LUZP2: variants seen among roughly 807,000 people sequenced by gnomAD.
LUZP2 encodes the protein leucine zipper protein 2.
A neutral mutation model predicts 51.6 loss-of-function variants in LUZP2; 52 were observed. The observed-to-expected ratio is 1.01, with a 90% CI of 0.81 to 1.27. The LOEUF (loss-of-function observed/expected upper bound fraction) is 1.27. Ranked by LOEUF, LUZP2 falls within the 50% of genes most tolerant of loss-of-function variation. The pLI is 0.00. For synonymous variants in LUZP2, 154 were observed against 137.3 expected (o/e 1.12, Z -0.85); for missense variants, 436 against 395.4 (o/e 1.10, Z -0.87).
chr11:24,912,802 T>TC (rs1853677764), intron 6 of LUZP2, among the ~76,000 whole-genome samples: 1 of 152,040 alleles, frequency 6.6e-6, no homozygotes, highest in African/African-American at 2.4e-5. Flanking sequence ...AGAGCAAGAC[T>TC]CCATCTCAAG....
At chr11:24,837,174 T>A (rs1850886106) in intron 5 of LUZP2, among the ~76,000 whole-genome samples, 1 of 151,804 alleles carries the variant, frequency 6.6e-6, no homozygotes, top group Admixed American at 6.6e-5. Flanking sequence ...GGTAATTATG[T>A]GCCATATTCA....
intron 6 of LUZP2, among the ~76,000 whole-genome samples, chr11:24,913,129 CAT>C (rs1206714667): frequency 5.3e-5 from 8 of 152,124 alleles, no homozygotes; most frequent in Non-Finnish European, 8.8e-5. Context: ...AGATTCAAAA[CAT>C]AGAATTTTTT....
intron 7 of LUZP2, among the ~76,000 whole-genome samples, chr11:24,961,843 T>C (rs11500141): frequency 0.99 from 140,497 of 142,020 alleles, 69,510 homozygotes; most frequent in African/African-American, 0.99. Flanking sequence ...TTCCTAGTCT[T>C]GATGGTCTTT....
rs570431968 is a variant in LUZP2 at position 24,914,575 on chromosome 11, A to G, written c.522+37A>G. 11 of 1,331,906 alleles carry G rather than the reference A, an allele frequency of 8.3e-6. No homozygotes were observed. In the South Asian group the frequency reaches 1.2e-4, roughly 14 times the overall value. The allele number at this position is 1,331,906 out of a possible 1,614,324, so 82.5% of individuals were successfully genotyped here. ...TTCTCTCTTTTCCCTGAAACTTGCTAGCTCAATACCTAAAATATCAAAAAC... is the reference window on the plus strand; with the variant it reads ...TTCTCTCTTTTCCCTGAAACTTGCTGGCTCAATACCTAAAATATCAAAAAC... On this transcript the variant is annotated intron_variant, in intron 7 of 11. Coordinates refer to ENST00000336930, the MANE Select transcript of LUZP2 (RefSeq NM_001009909.4).
intron 5 of LUZP2, among the ~76,000 whole-genome samples, chr11:24,776,994 G>GT (rs34070504): frequency 0.6 from 81,487 of 136,732 alleles, 24,590 homozygotes; most frequent in Non-Finnish European, 0.68. Context: ...ACTGTAAGTA[G>GT]TTTTTTTTTT....
intron 5 of LUZP2, among the ~76,000 whole-genome samples, chr11:24,814,313 A>T (rs1850108828): frequency 7.8e-6 from 1 of 128,900 alleles, no homozygotes; most frequent in Non-Finnish European, 1.7e-5. Flanking sequence ...CTAGAACATA[A>T]GAAGTACTTC....
chr11:24,906,688 T>C (rs1341867839), intron 6 of LUZP2, among the ~76,000 whole-genome samples: 1 of 152,222 alleles, frequency 6.6e-6, no homozygotes, highest in African/African-American at 2.4e-5. Flanking sequence ...ACTGTCATGA[T>C]AAGTGATTGT....
chr11:24,817,218 A>G (rs1850214690), intron 5 of LUZP2, among the ~76,000 whole-genome samples: 1 of 112,486 alleles, frequency 8.9e-6, no homozygotes, highest in Non-Finnish European at 1.9e-5. Context: ...GCTATCATTA[A>G]TAACAACAAG....
intron 9 of LUZP2, among the ~76,000 whole-genome samples, chr11:24,991,396 GTATA>G (rs58483878): frequency 0.072 from 8,978 of 124,780 alleles, 743 homozygotes; most frequent in African/African-American, 0.2. Context: ...GTGTGTGTGT[GTATA>G]TATATATATA....
At chr11:24,862,054 A>G (rs942501232) in intron 5 of LUZP2, among the ~76,000 whole-genome samples, 5 of 152,132 alleles carry the variant, frequency 3.3e-5, no homozygotes, top group African/African-American at 9.7e-5. Flanking sequence ...TCTTTTCCCT[A>G]TAGTTTATCC....
intron 4 of LUZP2, 91 bp downstream of exon 4, chr11:24,738,393 T>A: frequency 1.2e-6 from 1 of 808,958 alleles, no homozygotes; most frequent in Non-Finnish European, 2.0e-6. Context: ...AACACACCTA[T>A]AAAAAATAAA....
chr11:24,811,785 C>T (rs971386726), intron 5 of LUZP2, among the ~76,000 whole-genome samples: 14 of 151,974 alleles, frequency 9.2e-5, no homozygotes, highest in African/African-American at 2.7e-4. Context: ...TAAGGTATCA[C>T]GTCCTTCCTA....
chr11:24,928,301 C>G (rs1854339949), intron 7 of LUZP2, among the ~76,000 whole-genome samples: 1 of 152,174 alleles, frequency 6.6e-6, no homozygotes, highest in East Asian at 1.9e-4. Context: ...AGTAGACACC[C>G]TCGTTTTGTT....
chr11:24,898,257 A>AG (rs1853148887), intron 5 of LUZP2, among the ~76,000 whole-genome samples: 1 of 151,938 alleles, frequency 6.6e-6, no homozygotes, highest in South Asian at 2.1e-4. Flanking sequence ...AAAAAAAAAA[A>AG]TCAGGTAAGT....
chr11:25,049,250 T>A (rs1474390262), intron 9 of LUZP2, among the ~76,000 whole-genome samples: 1 of 152,140 alleles, frequency 6.6e-6, no homozygotes, highest in Non-Finnish European at 1.5e-5. Flanking sequence ...CAAATTAGCA[T>A]TTACTAGTTT....
rs576381240 is a variant in LUZP2 at position 25,062,778 on chromosome 11, A to C, written c.858+12648A>C. On this transcript the variant is annotated intron_variant, in intron 10 of 11. Transcript: ENST00000336930. ...TCTTGCTTTGTATTAGTGCAATATT[A>C]TCTATATAATTTCATATTATATGCT... Among the ~76,000 whole-genome samples the C allele has an allele frequency of 9.9e-5, 15 of 151,332 alleles. No individual in the cohort carries two copies. In the East Asian group the frequency reaches 2.9e-3, roughly 29 times the overall value.
chr11:24,897,349 T>C (rs183990719), intron 5 of LUZP2, among the ~76,000 whole-genome samples: 2 of 152,318 alleles, frequency 1.3e-5, no homozygotes, highest in East Asian at 1.9e-4. Flanking sequence ...GTTGTTTTGC[T>C]CTTTGCAATA....
intron 9 of LUZP2, among the ~76,000 whole-genome samples, chr11:25,038,322 T>C (rs532740237): frequency 6.6e-6 from 1 of 152,298 alleles, no homozygotes; most frequent in Non-Finnish European, 1.5e-5. Flanking sequence ...AGTTGTATTA[T>C]GAAATTCCTG....
intron 1 of LUZP2, among the ~76,000 whole-genome samples, chr11:24,578,486 T>C (rs1409982559): frequency 6.6e-6 from 1 of 151,842 alleles, no homozygotes; most frequent in African/African-American, 2.4e-5. Context: ...CATGCATGCA[T>C]ATGTTTATTG....
Sources: gnomAD v4.1 joint callset for allele counts (sites outside exome capture counted in the v4.1 genomes callset) on GRCh38, gnomAD v4.1.1 for gene constraint, MANE v1.5 for transcripts, NCBI Gene and HGNC (gene_info 2026-07-23, HGNC 2026-07-21) for gene names.